Variants in ATP13A4 observed in about 807,000 individuals in gnomAD.
ATP13A4 encodes probable cation-transporting ATPase 13A4.
A neutral mutation model predicts 142.5 loss-of-function variants in ATP13A4; 114 were observed. That is an observed-to-expected ratio of 0.80 (90% confidence interval 0.69 to 0.93). The LOEUF is 0.93. Among genes scored for constraint, ATP13A4 ranks in the 40% least tolerant of loss-of-function variants. The pLI is 0.00. For synonymous variants in ATP13A4, 488 were observed against 514.8 expected (o/e 0.95, Z 0.70); for missense variants, 1,392 against 1,454.0 (o/e 0.96, Z 0.69).
chr3:193,500,520 G>T (rs1438452934), intron 3 of ATP13A4, among the ~76,000 whole-genome samples: 1 of 152,078 alleles, frequency 6.6e-6, no homozygotes, highest in African/African-American at 2.4e-5. Context: ...GGATCATCAG[G>T]CAATCATTAG....
At chr3:193,459,050 TTC>T (rs1717797033) in intron 14 of ATP13A4, 29 bp downstream of exon 14, 1 of 1,613,428 alleles carries the variant, frequency 6.2e-7, no homozygotes, top group Non-Finnish European at 8.5e-7. Flanking sequence ...TTGAAGAAGC[TTC>T]TCAGATTCTC....
At chr3:193,588,900 A>G (rs996985849) in intron 1 of ATP13A4, among the ~76,000 whole-genome samples, 8 of 152,014 alleles carry the variant, frequency 5.3e-5, no homozygotes, top group African/African-American at 1.9e-4. Context: ...AGCACTTTGG[A>G]AGGTTGAGGC....
At chr3:193,504,138 G>A (rs1720723751) in intron 2 of ATP13A4, among the ~76,000 whole-genome samples, 2 of 152,066 alleles carry the variant, frequency 1.3e-5, no homozygotes, top group East Asian at 1.9e-4. Flanking sequence ...AAAAGCCAAT[G>A]TAATTGGCTG....
chr3:193,544,096 C>T (rs1723092750), intron 1 of ATP13A4, among the ~76,000 whole-genome samples: 1 of 152,164 alleles, frequency 6.6e-6, no homozygotes, highest in Non-Finnish European at 1.5e-5. Context: ...CTCCAGGAGA[C>T]AGGCTCAACT....
intron 5 of ATP13A4, 107 bp from the exon 6 acceptor site, chr3:193,491,505 G>A: frequency 2.4e-6 from 2 of 843,562 alleles, no homozygotes; most frequent in Non-Finnish European, 4.0e-6. Context: ...TCACTTGTGA[G>A]ACCAACATAA....
At chr3:193,530,302 T>C in intron 1 of ATP13A4, among the ~76,000 whole-genome samples, 1 of 152,138 alleles carries the variant, frequency 6.6e-6, no homozygotes, top group East Asian at 1.9e-4. Context: ...TCTAGCAATC[T>C]TTAAAAGTAC....
At chr3:193,412,534 CACACA>C (rs1280312342) in intron 26 of ATP13A4, among the ~76,000 whole-genome samples, 163 bp from the exon 27 acceptor site, 3 of 151,666 alleles carry the variant, frequency 2.0e-5, no homozygotes, top group African/African-American at 7.3e-5. Context: ...CACACACACA[CACACA>C]CACACACACA....
At chr3:193,467,186 C>A in intron 10 of ATP13A4, 130 bp downstream of exon 10, 2 of 992,740 alleles carry the variant, frequency 2.0e-6, no homozygotes, top group East Asian at 2.6e-5. Flanking sequence ...TATATACCCA[C>A]AAAAATTAAA....
intron 2 of ATP13A4, among the ~76,000 whole-genome samples, chr3:193,564,163 C>A (rs1415851635): frequency 6.6e-6 from 1 of 152,232 alleles, no homozygotes; most frequent in Admixed American, 6.5e-5. Context: ...GGCCTTGCCA[C>A]CCTGGTCTAC....
chr3:193,518,978 C>T (rs1356793273), intron 1 of ATP13A4, among the ~76,000 whole-genome samples: 3 of 152,174 alleles, frequency 2.0e-5, no homozygotes, highest in Non-Finnish European at 4.4e-5. Context: ...GGTCACCCAA[C>T]TTCTGGCATC....
intron 25 of ATP13A4, among the ~76,000 whole-genome samples, chr3:193,415,537 C>T (rs1463936785): frequency 2.6e-5 from 4 of 152,208 alleles, no homozygotes; most frequent in African/African-American, 7.2e-5. Context: ...AGCCTGCATT[C>T]CCAGAGGGAG....
chr3:193,440,997 A>ATCTC (rs202142154), intron 20 of ATP13A4, among the ~76,000 whole-genome samples: 62 of 148,974 alleles, frequency 4.2e-4, no homozygotes, highest in African/African-American at 1.4e-3. Flanking sequence ...TAAACTATCG[A>ATCTC]TCTATCTCTC....
intron 25 of ATP13A4, among the ~76,000 whole-genome samples, chr3:193,417,282 T>G (rs981002050): frequency 3.9e-5 from 6 of 152,204 alleles, no homozygotes; most frequent in African/African-American, 1.4e-4. Context: ...TACGTAGAAA[T>G]AATGATGTCT....
At chr3:193,541,372 C>T (rs888539984) in intron 1 of ATP13A4, among the ~76,000 whole-genome samples, 1 of 84,524 alleles carries the variant, frequency 1.2e-5, no homozygotes, top group South Asian at 3.0e-4. Flanking sequence ...CTGTGATTAT[C>T]GATCACAGAT....
rs77645705 is a variant in ATP13A4, at chr3:193,481,869, G to A, written c.808+2067C>T. 6.1e-3 allele frequency among the ~76,000 whole-genome samples: 927 copies of A among 152,150 alleles called. 11 individuals are homozygous for A. Among genetic ancestry groups the A allele is most frequent in the African/African-American group, 0.022 (894 of 41,534 alleles). On this transcript the variant is annotated intron_variant, in intron 8 of 29. Coordinates refer to ENST00000342695, the MANE Select transcript of ATP13A4 (RefSeq NM_032279.4). Reference sequence around the variant, plus strand: ...ACAGATTTTTAAATGAGCTTCTAAAGATTTACAAACTTAAGCCTGTATTTC... The same window carrying A: ...ACAGATTTTTAAATGAGCTTCTAAAAATTTACAAACTTAAGCCTGTATTTC...
Position 193,493,179 on chromosome 3 carries a change from A to G in ATP13A4, c.382-19T>C. ...ATCTCACCTGCAAAAGAAAAGTACT[A>G]AGAAAACCTCTAGTTTGAGGATCAG... On this transcript the variant is annotated intron_variant, in intron 3 of 29. Coordinates refer to ENST00000342695, the MANE Select transcript of ATP13A4 (RefSeq NM_032279.4). 1 of 1,606,578 alleles carries G rather than the reference A, an allele frequency of 6.2e-7. No individual in the cohort carries two copies. The highest frequency in any genetic ancestry group is 8.5e-7 in the Non-Finnish European group (1 of 1,175,420).
chr3:193,423,916 A>G (rs1715523643), intron 25 of ATP13A4, among the ~76,000 whole-genome samples: 1 of 149,752 alleles, frequency 6.7e-6, no homozygotes, highest in African/African-American at 2.4e-5. Flanking sequence ...ATGCTCTTAT[A>G]CATAGATAAC....
chr3:193,561,731 T>A (rs1046364016), intron 2 of ATP13A4, among the ~76,000 whole-genome samples: 3 of 152,190 alleles, frequency 2.0e-5, no homozygotes, highest in Non-Finnish European at 4.4e-5. Context: ...CCATCAACCC[T>A]GCCAAAGCAC....
chr3:193,527,800 T>C (rs1398049637), intron 1 of ATP13A4, among the ~76,000 whole-genome samples: 1 of 152,152 alleles, frequency 6.6e-6, no homozygotes, highest in Non-Finnish European at 1.5e-5. Context: ...AAGTTGTTTA[T>C]AGCAGTGTGA....
Sources: gnomAD v4.1 joint callset for allele counts (sites outside exome capture counted in the v4.1 genomes callset) on GRCh38, gnomAD v4.1.1 for gene constraint, MANE v1.5 for transcripts, NCBI Gene and HGNC (gene_info 2026-07-23, HGNC 2026-07-21) for gene names.